RBBP8: variants seen among roughly 807,000 people sequenced by gnomAD.
RBBP8 encodes DNA endonuclease RBBP8.
RBBP8 carries 88 observed loss-of-function variants against 108.3 expected under a neutral mutation model. That is an observed-to-expected ratio of 0.81 (90% CI 0.68 to 0.97). The LOEUF is 0.97. Among genes scored for constraint, RBBP8 ranks in the 50% least tolerant of loss-of-function variants. RBBP8 has a pLI of 0.00. For missense variants in RBBP8, 1,023 were observed against 1,049.0 expected (o/e 0.98, Z 0.34); for synonymous variants, 332 against 348.2 (o/e 0.95, Z 0.52).
chr18:22,959,155 A>C (rs1278558675), intron 4 of RBBP8, among the ~76,000 whole-genome samples: 1 of 152,230 alleles, frequency 6.6e-6, no homozygotes, highest in Non-Finnish European at 1.5e-5. Flanking sequence ...CTGAAAAAGA[A>C]GGCACAGGAA....
chr18:22,998,184 A>G (rs1188832432), intron 14 of RBBP8, among the ~76,000 whole-genome samples: 3 of 152,182 alleles, frequency 2.0e-5, no homozygotes, highest in Non-Finnish European at 4.4e-5. Context: ...TATAAGTGGT[A>G]TAACAGTAAG....
intron 3 of RBBP8, among the ~76,000 whole-genome samples, chr18:22,923,357 T>G (rs1375342746): frequency 6.6e-6 from 1 of 152,218 alleles, no homozygotes; most frequent in Non-Finnish European, 1.5e-5. Context: ...AATACATTAC[T>G]ATACACTTGC....
chr18:22,994,081 C>T (rs1230455057), intron 12 of RBBP8, among the ~76,000 whole-genome samples: 8 of 116,918 alleles, frequency 6.8e-5, no homozygotes, highest in Admixed American at 1.3e-4. Flanking sequence ...AGTGCAGTGG[C>T]GCGATCTCGG....
At chr18:22,962,280 A>G (rs1913170443) in intron 4 of RBBP8, among the ~76,000 whole-genome samples, 1 of 151,778 alleles carries the variant, frequency 6.6e-6, no homozygotes, top group South Asian at 2.1e-4. Context: ...TACTGAAGTT[A>G]TACTGGCCTC....
chr18:22,958,378 A>G (rs1328457564), intron 4 of RBBP8, among the ~76,000 whole-genome samples: 1 of 152,202 alleles, frequency 6.6e-6, no homozygotes, highest in Admixed American at 6.5e-5. Flanking sequence ...TTTGTCCCCA[A>G]TCAGTTGTTC....
In RBBP8 at chr18:22,949,567, C is replaced by G. The variant is rs762202532; in HGVS notation, c.153-51C>G. The G allele has an allele frequency of 3.1e-6, 4 of 1,281,368 alleles. No homozygotes were observed. The South Asian group carries it at 4.7e-5, about 15-fold the overall frequency. 79.4% of individuals were successfully genotyped at this position (1,281,368 alleles called of 1,614,324 possible). A position where few individuals can be genotyped will look rare whatever the true frequency, so the allele number is the denominator to read the frequency against. On this transcript the variant is annotated intron_variant, in intron 3 of 18. Transcript: ENST00000327155. Reference sequence around the variant, plus strand: ...AACACGGTGGAGCTCTTAGAATTATCCTGTTAAGAGTATTTTTATCTGAAA... The same window carrying G: ...AACACGGTGGAGCTCTTAGAATTATGCTGTTAAGAGTATTTTTATCTGAAA...
intron 6 of RBBP8, among the ~76,000 whole-genome samples, chr18:22,978,191 C>G (rs1914627798): frequency 6.6e-6 from 1 of 152,110 alleles, no homozygotes; most frequent in Non-Finnish European, 1.5e-5. Flanking sequence ...AAGGGAAACC[C>G]CAGATCCATA....
In RBBP8 at chr18:22,917,997, C is replaced by CAA. The variant is rs5823372; in HGVS notation, c.-154+987_-154+988dup. Among the ~76,000 whole-genome samples the CAA allele has an allele frequency of 2.7e-3, 326 of 120,824 alleles. 2 individuals carry two copies. The highest frequency in any genetic ancestry group is 4.1e-3 in the Middle Eastern group (1 of 242). The allele number at this position is 120,824 out of a possible 152,430, so 79.3% of individuals were successfully genotyped here. On this transcript the variant is annotated intron_variant, in intron 3 of 4. Coordinates refer to the RBBP8 transcript ENST00000577588. ...TGGTCAACTGAGCAAGACTCCGTCT[C>CAA]AAAAAAAAAAAAAAAAACATATAAT... is the stretch of plus-strand genomic sequence containing the variant.
chr18:23,005,961 C>T (rs557005495), intron 15 of RBBP8, among the ~76,000 whole-genome samples: 12 of 151,664 alleles, frequency 7.9e-5, no homozygotes, highest in African/African-American at 2.2e-4. Context: ...CCGAGGCGGG[C>T]GGATCATGAG....
chr18:22,951,026 G>C (rs1272363029), intron 4 of RBBP8, among the ~76,000 whole-genome samples: 3 of 152,216 alleles, frequency 2.0e-5, no homozygotes, highest in Non-Finnish European at 4.4e-5. Flanking sequence ...AACTGAAATT[G>C]AGTACTTTCT....
At chr18:22,937,719 C>CCTT (rs1354117926) in intron 2 of RBBP8, among the ~76,000 whole-genome samples, 2 of 152,046 alleles carry the variant, frequency 1.3e-5, no homozygotes, top group African/African-American at 4.8e-5. Flanking sequence ...CTCAAGTGAT[C>CCTT]CTTCTGTCTC....
chr18:22,992,718 A>G (rs1314664160), intron 10 of RBBP8, 30 bp from the exon 11 acceptor site: 10 of 1,543,060 alleles, frequency 6.5e-6, no homozygotes, highest in African/African-American at 4.1e-5. Context: ...TTAATTCTGT[A>G]TTAAAGAATT....
At chr18:22,930,092 G>C (rs951397409), upstream of RBBP8, among the ~76,000 whole-genome samples, 1 of 152,178 alleles carries the variant, frequency 6.6e-6, no homozygotes, top group Non-Finnish European at 1.5e-5. Flanking sequence ...AAATCTACGT[G>C]AGTTCCAAAA....
chr18:22,966,902 T>C (rs1417944741), intron 4 of RBBP8, among the ~76,000 whole-genome samples: 1 of 151,912 alleles, frequency 6.6e-6, no homozygotes, highest in African/African-American at 2.4e-5. Context: ...AATTTTTGTT[T>C]TTAGTAGAGA....
intron 6 of RBBP8, among the ~76,000 whole-genome samples, chr18:22,979,028 G>A (rs1914699041): frequency 1.3e-5 from 2 of 152,310 alleles, no homozygotes; most frequent in Admixed American, 6.5e-5. Context: ...AGCACTTTGG[G>A]AGGCCAAGGT....
intron 15 of RBBP8, 126 bp from the exon 16 acceptor site, chr18:23,006,237 C>A: frequency 2.5e-6 from 2 of 797,068 alleles, no homozygotes; most frequent in African/African-American, 1.7e-5. Context: ...ATGAGTTGCT[C>A]AGAGGCCTGG....
intron 18 of RBBP8, among the ~76,000 whole-genome samples, chr18:23,022,595 C>T (rs1251237969): frequency 2.3e-5 from 1 of 43,444 alleles, no homozygotes; most frequent in Admixed American, 2.0e-4. Context: ...GAACAAGACT[C>T]TGTCTCAAAA....
At chr18:22,953,451 T>C (rs183057929) in intron 4 of RBBP8, among the ~76,000 whole-genome samples, 13 of 152,362 alleles carry the variant, frequency 8.5e-5, no homozygotes, top group African/African-American at 2.9e-4. Flanking sequence ...GATAACATTT[T>C]CATTATGTTT....
At chr18:22,929,777 T>C (rs929762424), upstream of RBBP8, among the ~76,000 whole-genome samples, 4 of 152,186 alleles carry the variant, frequency 2.6e-5, no homozygotes, top group South Asian at 6.2e-4. Flanking sequence ...TGGAGCTCAA[T>C]TGTCTTGTTT....
Sources: allele counts gnomAD v4.1 joint callset (sites outside exome capture counted in the v4.1 genomes callset), GRCh38; gene constraint gnomAD v4.1.1; transcripts MANE v1.5; gene names NCBI Gene and HGNC (gene_info 2026-07-23, HGNC 2026-07-21).